PC: variants seen among roughly 807,000 people sequenced by gnomAD.
PC encodes the protein pyruvate carboxylase, mitochondrial.
A neutral mutation model predicts 107.8 loss-of-function variants in PC; 46 were observed. That is an observed-to-expected ratio of 0.43 (90% CI 0.34 to 0.55). The LOEUF (loss-of-function observed/expected upper bound fraction) is 0.55, where lower values mean the gene tolerates loss of function less well. Among genes scored for constraint, PC ranks in the 20% least tolerant of loss-of-function variants. The pLI, the probability that PC is intolerant of heterozygous loss-of-function variation, is 0.04. For synonymous variants in PC, 662 were observed against 684.7 expected, an observed-to-expected ratio of 0.97 and a Z score of 0.52; for missense variants, 1,241 against 1,643.1, an observed-to-expected ratio of 0.76 and a Z score of 4.23.
intron 3 of PC, among the ~76,000 whole-genome samples, chr11:66,935,703 T>C (rs1234644319): frequency 6.6e-6 from 1 of 152,142 alleles, no homozygotes; most frequent in Non-Finnish European, 1.5e-5. Context: ...CTAGTGAAGC[T>C]GAGAGAGACA....
intron 3 of PC, among the ~76,000 whole-genome samples, chr11:66,872,498 G>A (rs1203680019): frequency 2.6e-5 from 4 of 151,896 alleles, no homozygotes; most frequent in African/African-American, 9.7e-5. Context: ...AGCATAATAT[G>A]CACTATAACT....
In PC at chr11:66,860,379, C is replaced by G. The variant is rs1250551295; in HGVS notation, c.1368+3395G>C. 3 of 874,772 alleles carry G rather than the reference C, an allele frequency of 3.4e-6. No individual in the cohort carries two copies. In the Admixed American group the frequency reaches 6.0e-5, roughly 17 times the overall value. 54.2% of individuals were successfully genotyped at this position (874,772 alleles called of 1,614,324 possible). ...GCCTCCAGACCAGGGTAAGGGCAGGCCCCTCCAACAGGTGCTCACAGCCAC... is the reference window on the plus strand; with the variant it reads ...GCCTCCAGACCAGGGTAAGGGCAGGGCCCTCCAACAGGTGCTCACAGCCAC... On this transcript the variant is annotated intron_variant, in intron 12 of 22. Transcript: ENST00000393960.
chr11:66,854,822 C>T (rs1174069317), intron 12 of PC, among the ~76,000 whole-genome samples: 3 of 152,230 alleles, frequency 2.0e-5, no homozygotes, highest in African/African-American at 4.8e-5. Context: ...AGTGGGACCC[C>T]GCCAGCAGTG....
intron 3 of PC, among the ~76,000 whole-genome samples, chr11:66,873,548 AT>A (rs1189527252): frequency 1.3e-4 from 14 of 104,552 alleles, no homozygotes; most frequent in South Asian, 1.2e-3. Flanking sequence ...TATATATAAT[AT>A]TATAATATTA....
chr11:66,906,658 C>T (rs539157471), intron 3 of PC, among the ~76,000 whole-genome samples: 1 of 152,230 alleles, frequency 6.6e-6, no homozygotes, highest in East Asian at 1.9e-4. Flanking sequence ...CATGTACACA[C>T]ACATGCACAC....
chr11:66,882,487 C>T (rs76470985), intron 3 of PC, among the ~76,000 whole-genome samples: 2,110 of 152,358 alleles, frequency 0.014, 51 homozygotes, highest in African/African-American at 0.049. Flanking sequence ...ACCTGGGTCC[C>T]TCAGCAAATC....
intron 12 of PC, among the ~76,000 whole-genome samples, chr11:66,855,737 C>A (rs1945766924): frequency 6.6e-6 from 1 of 152,216 alleles, no homozygotes; most frequent in Non-Finnish European, 1.5e-5. Flanking sequence ...GACAGAATGG[C>A]TTCTGGCTGC....
chr11:66,923,937 T>C (rs1237442957), intron 3 of PC, among the ~76,000 whole-genome samples: 7 of 146,702 alleles, frequency 4.8e-5, no homozygotes, highest in African/African-American at 1.8e-4. Context: ...GAAAAGTGGC[T>C]CACACCTATA....
rs1946478818 is a variant in PC at position 66,866,077 on chromosome 11, G to A, written c.1185+110C>T. On this transcript the variant is annotated intron_variant, in intron 11 of 22. Coordinates refer to ENST00000393960, the MANE Select transcript of PC (RefSeq NM_001040716.2). The surrounding 1 kb of genome is among the most constrained non-coding windows in gnomAD (Gnocchi z 5.4). The stretch of plus-strand genomic sequence containing the variant: ...TATGTCCACTTCAGAGCCCACATGC[G>A]GGTCCTCCCTAACTGCCGGGCTGTG... The A allele has an allele frequency of 1.1e-5, 13 of 1,228,952 alleles. No homozygotes were observed. Among genetic ancestry groups the A allele is most frequent in the South Asian group, 2.7e-5 (2 of 74,378 alleles). 76.1% of individuals were successfully genotyped at this position (1,228,952 alleles called of 1,614,324 possible). A position where few individuals can be genotyped will look rare whatever the true frequency, so the allele number is the denominator to read the frequency against.
chr11:66,850,064 T>C lies in PC; in HGVS notation c.2771A>G (p.Asn924Ser). 1.2e-6 allele frequency: 2 copies of C among 1,613,682 alleles called. No individual in the cohort carries two copies. Among genetic ancestry groups the C allele is most frequent in the Non-Finnish European group, 1.7e-6 (2 of 1,180,028 alleles). The change falls in exon 20 of 23, where the codon AAT (asparagine) becomes AGT (serine). Residue 924 changes from asparagine (N) to serine (S), a missense_variant. Physicochemically the swap from Asn to Ser is conservative, Grantham distance 46. Around this residue, in one of 2 missense-constraint regions of PC, gnomAD observed 1,143 missense variants for 1,551.9 expected, o/e 0.74. Transcript: ENST00000393960. ...VGDLAQFMVQ[N>S]GLSRAEAEAQ... ...TTCGGCCTCTGCCCGGCTCAATCCA[T>C]TCTGCACCATAAACTGGGCCAGGTC... is the stretch of plus-strand genomic sequence containing the variant.
chr11:66,860,031 C>T (rs1165579148), intron 12 of PC: 3 of 1,582,900 alleles, frequency 1.9e-6, no homozygotes, highest in Non-Finnish European at 2.6e-6. Context: ...CCGGCCGCAG[C>T]GCAGCTGCTC....
In PC at chr11:66,861,113, C is replaced by A. The variant is rs374800622; in HGVS notation, c.1368+2661G>T. ...GCTGCCAGCTCAGATGTGCTCTGGG[C>A]CTTCCTGGGAAGGCGGCCTTCGCCC... On this transcript the variant is annotated intron_variant, in intron 12 of 22. Transcript: ENST00000393960. 7.9e-5 allele frequency among the ~76,000 whole-genome samples: 12 copies of A among 152,346 alleles called. No individual in the cohort carries two copies. In the East Asian group the frequency reaches 2.3e-3, roughly 29 times the overall value.
Position 66,935,105 on chromosome 11 carries a change from G to T in PC, c.-1+17325C>A, listed in dbSNP as rs538780790. On this transcript the variant is annotated intron_variant, in intron 3 of 22. Coordinates refer to ENST00000393960, the MANE Select transcript of PC (RefSeq NM_001040716.2). ...TCCTCCTGTGGCCTCACAGCATCCA[G>T]TAAGGAGCTGTGCATAGCACAGATG... 2.6e-5 allele frequency among the ~76,000 whole-genome samples: 4 copies of T among 152,364 alleles called. No individual in the cohort carries two copies. In the East Asian group the frequency reaches 7.7e-4, roughly 29 times the overall value.
intron 12 of PC, among the ~76,000 whole-genome samples, chr11:66,859,399 T>C (rs758129245): frequency 3.3e-5 from 5 of 152,174 alleles, no homozygotes; most frequent in Non-Finnish European, 7.4e-5. Flanking sequence ...CCGCGTGTTA[T>C]TTCTGCCTCT....
intron 1 of PC, among the ~76,000 whole-genome samples, chr11:66,955,738 C>A (rs1349615831): frequency 6.6e-6 from 1 of 152,016 alleles, no homozygotes; most frequent in Non-Finnish European, 1.5e-5. Flanking sequence ...AGGCCTGCAG[C>A]TGGGCCCTCA....
At chr11:66,950,407 A>G (rs1949408842) in intron 3 of PC, among the ~76,000 whole-genome samples, 6 of 152,334 alleles carry the variant, frequency 3.9e-5, no homozygotes, top group East Asian at 3.9e-4. Context: ...GCCTCGAGGC[A>G]TATCAGGACA....
intron 3 of PC, among the ~76,000 whole-genome samples, chr11:66,909,065 A>G (rs764516497): frequency 3.2e-4 from 48 of 152,228 alleles, no homozygotes; most frequent in Admixed American, 2.2e-3. Context: ...CTGGAATGCC[A>G]AAGTGGGAAA....
At chr11:66,873,498 ATAT>A (rs1946849916) in intron 3 of PC, among the ~76,000 whole-genome samples, 1 of 14,478 alleles carries the variant, frequency 6.9e-5, no homozygotes, top group Non-Finnish European at 1.2e-4. Context: ...TATATATATT[ATAT>A]AATATTATAT....
At chr11:66,861,490 C>A (rs1946254303) in intron 12 of PC, among the ~76,000 whole-genome samples, 1 of 152,242 alleles carries the variant, frequency 6.6e-6, no homozygotes, top group African/African-American at 2.4e-5. Flanking sequence ...TGTGCATGGA[C>A]CTGGCTCACA....
Sources: gnomAD v4.1 joint callset for allele counts (sites outside exome capture counted in the v4.1 genomes callset) on GRCh38, gnomAD v4.1.1 for gene constraint, gnomAD v4.1.1 regional missense constraint, Gnocchi (gnomAD v3.1) non-coding constraint, MANE v1.5 for transcripts, NCBI Gene and HGNC (gene_info 2026-07-23, HGNC 2026-07-21) for gene names.